COL22A1: variants seen among roughly 807,000 people sequenced by gnomAD.
COL22A1 encodes the protein collagen type XXII alpha 1 chain, also known as collagen alpha-1(XXII) chain.
COL22A1 carries 221 observed loss-of-function variants against 248.9 expected under a neutral mutation model. The ratio of observed to expected loss-of-function variants is 0.89; its 90% confidence interval spans 0.80 to 0.99. The LOEUF (loss-of-function observed/expected upper bound fraction) is 0.99, where lower values mean the gene tolerates loss of function less well. COL22A1 is among the 50% of genes least tolerant of loss of function. The pLI, the probability that COL22A1 is intolerant of heterozygous loss-of-function variation, is 0.00. For synonymous variants in COL22A1, 891 were observed against 793.4 expected (o/e 1.12, Z -2.07); for missense variants, 2,240 against 2,179.0 (o/e 1.03, Z -0.56).
chr8:138,672,871 T>A (rs1825156812), intron 41 of COL22A1, among the ~76,000 whole-genome samples: 1 of 152,190 alleles, frequency 6.6e-6, no homozygotes, highest in Non-Finnish European at 1.5e-5. Context: ...GACCTTATCT[T>A]CACAAACCCC....
At chr8:138,843,994 T>C (rs1009116354) in intron 4 of COL22A1, 90 bp downstream of exon 4, 3 of 1,150,492 alleles carry the variant, frequency 2.6e-6, no homozygotes, top group Middle Eastern at 1.9e-4. Context: ...ACAGGGTCAG[T>C]GAGGCCACCC....
intron 32 of COL22A1, among the ~76,000 whole-genome samples, chr8:138,696,780 T>C (rs528180136): frequency 1.3e-5 from 2 of 152,326 alleles, no homozygotes; most frequent in African/African-American, 2.4e-5. Flanking sequence ...TGCCAGCTCA[T>C]TCCTCTGCCT....
Position 138,690,814 on chromosome 8 carries a change from T to A in COL22A1, c.2808+7A>T, listed in dbSNP as rs779102115. On this transcript the variant is annotated splice_region_variant and intron_variant, in intron 36 of 64. Transcript: ENST00000303045. The stretch of plus-strand genomic sequence containing the variant: ...GGCCGTGCGTATGCCCTCTCCCAAT[T>A]ACTCACCACACTTCCTGGAGGGCCA... 6.2e-7 allele frequency: 1 copy of A among 1,608,098 alleles called. No homozygotes were observed. Among genetic ancestry groups the A allele is most frequent in the South Asian group, 1.1e-5 (1 of 89,604 alleles).
At chr8:138,763,097 AAAC>A (rs1586679704) in intron 16 of COL22A1, among the ~76,000 whole-genome samples, 1 of 152,144 alleles carries the variant, frequency 6.6e-6, no homozygotes, top group Non-Finnish European at 1.5e-5. Context: ...AAAAAAAAGA[AAAC>A]AAAAGCCTGG....
At chr8:138,907,216 G>T (rs1393659998) in intron 1 of COL22A1, among the ~76,000 whole-genome samples, 1 of 152,212 alleles carries the variant, frequency 6.6e-6, no homozygotes, top group East Asian at 1.9e-4. Flanking sequence ...CTGTGGCTTT[G>T]TCTCCACTGT....
chr8:138,603,797 C>T (rs1467696023), intron 59 of COL22A1, among the ~76,000 whole-genome samples: 1 of 152,176 alleles, frequency 6.6e-6, no homozygotes, highest in Non-Finnish European at 1.5e-5. Flanking sequence ...AAGTGACCAC[C>T]TCCCTGAAGT....
intron 39 of COL22A1, among the ~76,000 whole-genome samples, chr8:138,682,648 CCTT>C (rs1285000369): frequency 1.2e-4 from 18 of 152,238 alleles, no homozygotes; most frequent in African/African-American, 3.1e-4. Context: ...GCCAATGACT[CCTT>C]CTTCAACTTC....
At chr8:138,825,278 G>T (rs964356739) in intron 6 of COL22A1, among the ~76,000 whole-genome samples, 10 of 152,296 alleles carry the variant, frequency 6.6e-5, no homozygotes, top group African/African-American at 2.4e-4. Context: ...CAATGTCTCT[G>T]CATCTCAGTA....
intron 18 of COL22A1, among the ~76,000 whole-genome samples, 196 bp downstream of exon 18, chr8:138,760,047 G>A (rs1202328616): frequency 6.6e-6 from 1 of 151,864 alleles, no homozygotes; most frequent in Non-Finnish European, 1.5e-5. Context: ...ATTCCTAAAA[G>A]TAGAAAAAAA....
At chr8:138,628,746 T>A (rs1036421795) in intron 50 of COL22A1, among the ~76,000 whole-genome samples, 3 of 138,166 alleles carry the variant, frequency 2.2e-5, no homozygotes, top group African/African-American at 7.6e-5. Context: ...TAGTTTTATA[T>A]CCTAGATCCA....
At chr8:138,699,239 T>C (rs927605270) in intron 32 of COL22A1, among the ~76,000 whole-genome samples, 15 of 152,188 alleles carry the variant, frequency 9.9e-5, no homozygotes, top group African/African-American at 3.4e-4. Flanking sequence ...ACAAAATCCT[T>C]CCTTCTCCTG....
At chr8:138,608,601 G>A (rs1294163719) in intron 56 of COL22A1, among the ~76,000 whole-genome samples, 1 of 152,178 alleles carries the variant, frequency 6.6e-6, no homozygotes, top group African/African-American at 2.4e-5. Flanking sequence ...ACTTCACAGA[G>A]ATATATTGTG....
intron 3 of COL22A1, among the ~76,000 whole-genome samples, chr8:138,846,083 A>G (rs766277651): frequency 1.5e-4 from 23 of 152,126 alleles, no homozygotes; most frequent in Non-Finnish European, 3.1e-4. Flanking sequence ...GACAAGCATC[A>G]TGGAAGGGGT....
intron 9 of COL22A1, among the ~76,000 whole-genome samples, chr8:138,810,545 G>C (rs1306880617): frequency 2.0e-5 from 3 of 152,152 alleles, no homozygotes; most frequent in African/African-American, 7.2e-5. Flanking sequence ...CAGGCCCCAG[G>C]CTGAAGGGCT....
At chr8:138,660,317 CCA>C in intron 44 of COL22A1, 117 bp downstream of exon 44, 1 of 822,316 alleles carries the variant, frequency 1.2e-6, no homozygotes, top group Non-Finnish European at 2.0e-6. Context: ...TTTCCTCTGC[CCA>C]CAGTTTTGTC....
chr8:138,663,012 T>TCTCACACACACACACACACACACACACA lies in COL22A1; in HGVS notation c.3186+692_3186+693insTGTGTGTGTGTGTGTGTGTGTGTGTGAG, dbSNP rs1554737802. 6.6e-3 allele frequency among the ~76,000 whole-genome samples: 934 copies of TCTCACACACACACACACACACACACACA among 140,832 alleles called. 14 individuals carry two copies. Among genetic ancestry groups the TCTCACACACACACACACACACACACACA allele is most frequent in the African/African-American group, 0.023 (898 of 38,734 alleles). 92.4% of individuals were successfully genotyped at this position (140,832 alleles called of 152,430 possible). A position where few individuals can be genotyped will look rare whatever the true frequency, so the allele number is the denominator to read the frequency against. Reference sequence around the variant, plus strand: ...GCCTGGTTGACAGAGCAGGACTCTGTCACTCACACACACACACACACACAA... The same window carrying TCTCACACACACACACACACACACACACA: ...GCCTGGTTGACAGAGCAGGACTCTGTCTCACACACACACACACACACACACACACACTCACACACACACACACACACAA... On this transcript the variant is annotated intron_variant, in intron 42 of 64. Transcript: ENST00000303045.
intron 23 of COL22A1, among the ~76,000 whole-genome samples, chr8:138,725,859 G>A (rs1408720613): frequency 6.6e-6 from 1 of 152,002 alleles, no homozygotes; most frequent in African/African-American, 2.4e-5. Flanking sequence ...GAGTCATTGA[G>A]CAGGGCTGGC....
chr8:138,847,018 A>G (rs1247719139), intron 3 of COL22A1, among the ~76,000 whole-genome samples: 1 of 152,154 alleles, frequency 6.6e-6, no homozygotes. Flanking sequence ...TCAGCCTTGA[A>G]CAACCCCAGG....
chr8:138,860,217 CTT>C (rs1179724039), intron 3 of COL22A1, among the ~76,000 whole-genome samples: 20 of 152,204 alleles, frequency 1.3e-4, no homozygotes, highest in African/African-American at 4.8e-4. Context: ...CCCTAGCTCT[CTT>C]TTCACTTCTT....
Sources: allele counts gnomAD v4.1 joint callset (sites outside exome capture counted in the v4.1 genomes callset), GRCh38; gene constraint gnomAD v4.1.1; transcripts MANE v1.5; gene names NCBI Gene and HGNC (gene_info 2026-07-23, HGNC 2026-07-21).